ARHGAP25: variants seen among roughly 807,000 people sequenced by gnomAD.
ARHGAP25 encodes rho GTPase-activating protein 25.
Under a neutral mutation model 71.0 loss-of-function variants are expected in ARHGAP25, and 34 were observed. The observed-to-expected ratio is 0.48, with a 90% CI of 0.36 to 0.64. ARHGAP25 has a LOEUF of 0.64. Ranked by LOEUF, ARHGAP25 falls within the 30% of genes least tolerant of loss-of-function variation. ARHGAP25 has a pLI of 0.00. For missense variants in ARHGAP25, 706 were observed against 805.1 expected (o/e 0.88, Z 1.49); for synonymous variants, 282 against 296.5 (o/e 0.95, Z 0.50).
intron 2 of ARHGAP25, among the ~76,000 whole-genome samples, chr2:68,779,563 A>G (rs1678173265): frequency 6.6e-6 from 1 of 152,238 alleles, no homozygotes; most frequent in Admixed American, 6.5e-5. Context: ...GAGTTGGGCT[A>G]AAATGTAGTT....
intron 1 of ARHGAP25, among the ~76,000 whole-genome samples, chr2:68,771,168 A>C (rs1263374615): frequency 6.6e-6 from 1 of 152,212 alleles, no homozygotes; most frequent in Non-Finnish European, 1.5e-5. Context: ...GGGCTTGCTC[A>C]TCCTCTCTCT....
rs777158951 is a variant in ARHGAP25, at chr2:68,819,314, A to G, written c.1195A>G (p.Ser399Gly). ...LRISRTDSFSSMTSDSDTTSP... is the reference protein window; with the variant it reads ...LRISRTDSFSGMTSDSDTTSP... ...AATTTCTAGGACAGACAGCTTCAGT[A>G]GCATGGTAAGGTGCAGAGAACCTTC... is the stretch of plus-strand genomic sequence containing the variant. Residue 399 changes from serine (S) to glycine (G), a missense_variant, in exon 9 of 11, where the codon AGC becomes GGC. Ser to Gly is a moderately conservative substitution (Grantham distance 56). Coordinates refer to ENST00000409202, the MANE Select transcript of ARHGAP25 (RefSeq NM_001007231.3). 2 of 1,614,142 alleles carry G rather than the reference A, an allele frequency of 1.2e-6. No individual in the cohort carries two copies. Among genetic ancestry groups the G allele is most frequent in the Non-Finnish European group, 1.7e-6 (2 of 1,179,990 alleles).
chr2:68,775,598 G>A, intron 2 of ARHGAP25, 178 bp downstream of exon 2: 1 of 1,002,086 alleles, frequency 1.0e-6, no homozygotes, highest in Non-Finnish European at 1.5e-6. Flanking sequence ...TTGCAAAGAT[G>A]ACAGAGTGGT....
chr2:68,742,367 C>T (rs1313491866), intron 1 of ARHGAP25, among the ~76,000 whole-genome samples: 1 of 152,042 alleles, frequency 6.6e-6, no homozygotes, highest in Admixed American at 6.5e-5. Context: ...GTAAACTAAC[C>T]ATAATGGAAT....
chr2:68,782,797 A>G (rs1445955220), intron 3 of ARHGAP25, among the ~76,000 whole-genome samples: 1 of 152,242 alleles, frequency 6.6e-6, no homozygotes, highest in East Asian at 1.9e-4. Flanking sequence ...CCCATTGCAC[A>G]TGATTGGCAC....
rs138811795 is a variant in ARHGAP25, at chr2:68,742,177, C to T, written c.61+6917C>T. ...TGGATCTCAGCTCTGGATGGGGCTG[C>T]GATACCCCACTGCTGGAATTTTGGC... is the stretch of plus-strand genomic sequence containing the variant. On this transcript the variant is annotated intron_variant, in intron 1 of 10. Transcript: ENST00000409202. Among the ~76,000 whole-genome samples the T allele has an allele frequency of 7.7e-4, 118 of 152,294 alleles. 1 individual carries two copies. Among genetic ancestry groups the T allele is most frequent in the Non-Finnish European group, 1.5e-3 (102 of 68,016 alleles).
intron 3 of ARHGAP25, among the ~76,000 whole-genome samples, chr2:68,785,961 T>G (rs1452160393): frequency 6.6e-6 from 1 of 152,166 alleles, no homozygotes; most frequent in Non-Finnish European, 1.5e-5. Flanking sequence ...AGCACCCCAA[T>G]TATGCCCAAA....
At chr2:68,771,229 T>C (rs1677468041) in intron 1 of ARHGAP25, among the ~76,000 whole-genome samples, 1 of 152,182 alleles carries the variant, frequency 6.6e-6, no homozygotes, top group South Asian at 2.1e-4. Context: ...ATTTCTCACT[T>C]GCCCCAAGGT....
At chr2:68,775,036 G>T in intron 1 of ARHGAP25, 185 bp from the exon 2 acceptor site, 1 of 1,509,006 alleles carries the variant, frequency 6.6e-7, no homozygotes, top group Non-Finnish European at 8.8e-7. Context: ...CCGGGAGCTG[G>T]CCCCTCGGCT....
At chr2:68,736,150 G>A (rs1262760745) in intron 1 of ARHGAP25, among the ~76,000 whole-genome samples, 3 of 152,310 alleles carry the variant, frequency 2.0e-5, no homozygotes, top group Admixed American at 2.0e-4. Flanking sequence ...TTGGAAAAAG[G>A]TTTAGATTTG....
intron 1 of ARHGAP25, among the ~76,000 whole-genome samples, chr2:68,758,333 GA>G: frequency 6.6e-6 from 1 of 151,970 alleles, no homozygotes; most frequent in Admixed American, 6.5e-5. Flanking sequence ...GAATGGATAA[GA>G]AAACAGCCCA....
chr2:68,804,018 A>G (rs1382540592), intron 4 of ARHGAP25, among the ~76,000 whole-genome samples: 2 of 152,180 alleles, frequency 1.3e-5, no homozygotes, highest in Non-Finnish European at 2.9e-5. Flanking sequence ...AGGAAGCAGC[A>G]GGGCGGGGAT....
intron 3 of ARHGAP25, among the ~76,000 whole-genome samples, chr2:68,783,680 C>G (rs1339121136): frequency 1.3e-5 from 2 of 152,100 alleles, no homozygotes; most frequent in African/African-American, 4.8e-5. Context: ...CCGGGCTGCT[C>G]TCGAACTTCT....
intron 1 of ARHGAP25, among the ~76,000 whole-genome samples, chr2:68,750,137 G>T (rs1450170302): frequency 1.3e-5 from 2 of 151,000 alleles, no homozygotes; most frequent in East Asian, 3.9e-4. Context: ...CTCCCAAGTA[G>T]CTGGGACCAC....
intron 4 of ARHGAP25, among the ~76,000 whole-genome samples, chr2:68,793,191 A>G (rs1329634962): frequency 6.6e-6 from 1 of 152,142 alleles, no homozygotes; most frequent in African/African-American, 2.4e-5. Flanking sequence ...TATCATATGC[A>G]TAGTTTGCAG....
At chr2:68,740,621 GGA>G (rs1302831527) in intron 1 of ARHGAP25, among the ~76,000 whole-genome samples, 2 of 152,136 alleles carry the variant, frequency 1.3e-5, no homozygotes, top group Admixed American at 1.3e-4. Flanking sequence ...TCTGATCACT[GGA>G]GAGAGAGTAT....
chr2:68,732,138 A>AG (rs1405137159), upstream of ARHGAP25, among the ~76,000 whole-genome samples: 1 of 152,114 alleles, frequency 6.6e-6, no homozygotes, highest in Non-Finnish European at 1.5e-5. Flanking sequence ...AGAGAGAGGG[A>AG]GCGCAGTACC....
intron 1 of ARHGAP25, among the ~76,000 whole-genome samples, chr2:68,763,108 C>T (rs1676924235): frequency 6.6e-6 from 1 of 152,142 alleles, no homozygotes; most frequent in Non-Finnish European, 1.5e-5. Context: ...TACTTTTTCA[C>T]AAGTCACTAG....
At chr2:68,732,440 G>A (rs768135093), upstream of ARHGAP25, among the ~76,000 whole-genome samples, 1 of 152,188 alleles carries the variant, frequency 6.6e-6, no homozygotes. Context: ...GCTGGGCCGG[G>A]CCAGACAGCT....
Sources: allele counts gnomAD v4.1 joint callset (sites outside exome capture counted in the v4.1 genomes callset), GRCh38; gene constraint gnomAD v4.1.1; transcripts MANE v1.5; gene names NCBI Gene and HGNC (gene_info 2026-07-23, HGNC 2026-07-21).